The following ADAMTS9 variants were observed in gnomAD, a reference collection of about 807,000 sequenced individuals.
ADAMTS9 encodes ADAM metallopeptidase with thrombospondin type 1 motif 9.
In ADAMTS9, 107 loss-of-function variants were observed where a neutral mutation model predicts 257.1. The observed-to-expected ratio is 0.42, with a 90% CI of 0.36 to 0.49. ADAMTS9 has a LOEUF of 0.49. Ranked by LOEUF, ADAMTS9 falls within the 20% of genes least tolerant of loss-of-function variation. ADAMTS9 has a pLI of 0.03. For missense variants in ADAMTS9, 2,353 were observed against 2,469.1 expected (o/e 0.95, Z 1.00); for synonymous variants, 982 against 880.9 (o/e 1.11, Z -2.03).
At chr3:64,521,170 C>T (rs559486950) in intron 39 of ADAMTS9, among the ~76,000 whole-genome samples, 4 of 152,078 alleles carry the variant, frequency 2.6e-5, no homozygotes, top group Non-Finnish European at 4.4e-5. Flanking sequence ...AGAAGACACA[C>T]AAGCAGCCAA....
chr3:64,648,201 A>T (rs748809391), intron 10 of ADAMTS9, among the ~76,000 whole-genome samples, 157 bp from the exon 11 acceptor site: 16 of 152,348 alleles, frequency 1.1e-4, no homozygotes, highest in South Asian at 4.1e-4. Flanking sequence ...AAATATAGAC[A>T]GCAGCCCATA....
At chr3:64,552,323 C>G (rs1390226173) in intron 30 of ADAMTS9, among the ~76,000 whole-genome samples, 2 of 152,110 alleles carry the variant, frequency 1.3e-5, no homozygotes, top group African/African-American at 4.8e-5. Flanking sequence ...AACACCAAAC[C>G]CCACCCCTGA....
intron 14 of ADAMTS9, 75 bp from the exon 15 acceptor site, chr3:64,632,000 T>A: frequency 1.7e-6 from 2 of 1,150,182 alleles, no homozygotes; most frequent in Non-Finnish European, 2.5e-6. Context: ...GTGTTTCTTT[T>A]AATCGTGTGC....
chr3:64,532,154 C>T (rs1162762484), intron 38 of ADAMTS9, among the ~76,000 whole-genome samples: 2 of 152,284 alleles, frequency 1.3e-5, no homozygotes, highest in East Asian at 3.9e-4. Flanking sequence ...TCGACACGCT[C>T]CTCAGTTTAC....
chr3:64,600,151 C>T (rs1257183741), intron 26 of ADAMTS9, among the ~76,000 whole-genome samples: 1 of 142,954 alleles, frequency 7.0e-6, no homozygotes, highest in African/African-American at 2.6e-5. Flanking sequence ...ACTCCAGAAA[C>T]CACTGAAAAA....
chr3:64,631,332 T>C (rs1395827612), intron 16 of ADAMTS9, 123 bp downstream of exon 16: 7 of 765,560 alleles, frequency 9.1e-6, no homozygotes, highest in Non-Finnish European at 1.3e-5. Flanking sequence ...GAGAGCCACT[T>C]ATTTTATGAA....
chr3:64,608,454 A>G (rs977853423), intron 22 of ADAMTS9, among the ~76,000 whole-genome samples: 2 of 152,028 alleles, frequency 1.3e-5, no homozygotes, highest in Non-Finnish European at 2.9e-5. Context: ...ATTACTGAAT[A>G]TCAGAAATGA....
intron 10 of ADAMTS9, 83 bp from the exon 11 acceptor site, chr3:64,648,127 A>C: frequency 3.3e-6 from 4 of 1,214,620 alleles, no homozygotes; most frequent in Non-Finnish European, 4.7e-6. Flanking sequence ...CTTTCAACTA[A>C]TGTTTCACCA....
chr3:64,518,590 T>C (rs1163055477), intron 39 of ADAMTS9, among the ~76,000 whole-genome samples: 1 of 152,146 alleles, frequency 6.6e-6, no homozygotes, highest in Non-Finnish European at 1.5e-5. Context: ...TTCACAGGTA[T>C]AGGGTGAGGC....
Position 64,641,706 on chromosome 3 carries a change from C to G in ADAMTS9, c.1856+142G>C, listed in dbSNP as rs142004432. On this transcript the variant is annotated intron_variant, in intron 12 of 39. Coordinates refer to ENST00000498707, the MANE Select transcript of ADAMTS9 (RefSeq NM_182920.2). ...GTGCCTGGGAATAGACTTTGGGTAC[C>G]GTGGGTCTAAGCAGCCCTTGAAGTT... 12 of 1,005,040 alleles carry G rather than the reference C, an allele frequency of 1.2e-5. No individual in the cohort carries two copies. In the East Asian group the frequency reaches 3.0e-4, roughly 25 times the overall value. 62.3% of individuals were successfully genotyped at this position (1,005,040 alleles called of 1,614,324 possible). A position where few individuals can be genotyped will look rare whatever the true frequency, so the allele number is the denominator to read the frequency against.
intron 28 of ADAMTS9, among the ~76,000 whole-genome samples, chr3:64,574,753 C>T (rs1372590808): frequency 6.6e-6 from 1 of 152,000 alleles, no homozygotes; most frequent in Non-Finnish European, 1.5e-5. Flanking sequence ...CCCACACACA[C>T]ACCCCAACCA....
At position 64,575,961 on chromosome 3, in the gene ADAMTS9, T is replaced by C. The variant is rs145689974; in HGVS notation, c.4357-7426A>G. 2.9e-3 allele frequency among the ~76,000 whole-genome samples: 444 copies of C among 152,352 alleles called. 1 individual carries two copies. Among genetic ancestry groups the C allele is most frequent in the African/African-American group, 0.01 (422 of 41,584 alleles). ...TTTGTTAACTAATGGAGTCTAACAT[T>C]CTAACAGAGGCATTGATAGGTAAAG... On this transcript the variant is annotated intron_variant, in intron 28 of 39. Coordinates refer to ENST00000498707, the MANE Select transcript of ADAMTS9 (RefSeq NM_182920.2).
chr3:64,661,976 T>C (rs1427028467), intron 3 of ADAMTS9, among the ~76,000 whole-genome samples: 2 of 151,954 alleles, frequency 1.3e-5, no homozygotes, highest in East Asian at 3.9e-4. Flanking sequence ...AGTTTTAACT[T>C]GCTCTTTTCT....
At chr3:64,569,995 A>G (rs1316842020) in intron 28 of ADAMTS9, among the ~76,000 whole-genome samples, 2 of 152,230 alleles carry the variant, frequency 1.3e-5, no homozygotes, top group Non-Finnish European at 2.9e-5. Context: ...TGAAGTTCCT[A>G]GAAGTATCTC....
intron 38 of ADAMTS9, among the ~76,000 whole-genome samples, chr3:64,524,381 A>G (rs1027548014): frequency 3.9e-5 from 6 of 152,348 alleles, no homozygotes; most frequent in African/African-American, 1.4e-4. Context: ...CTTAATTAAC[A>G]TTATATGGTT....
chr3:64,642,417 C>G (rs1315081430), intron 11 of ADAMTS9, among the ~76,000 whole-genome samples: 1 of 149,538 alleles, frequency 6.7e-6, no homozygotes, highest in Non-Finnish European at 1.5e-5. Flanking sequence ...TGCTTTATTG[C>G]TCCCAATTTT....
At position 64,651,117 on chromosome 3, in the gene ADAMTS9, C is replaced by A. The variant is rs761663404; in HGVS notation, c.1363G>T (p.Val455Phe). The A allele has an allele frequency of 5.6e-6, 9 of 1,599,810 alleles. No homozygotes were observed. The highest frequency in any genetic ancestry group is 5.4e-5 in the African/African-American group (4 of 74,070). ...GCCATGACATGCTGGGGACTCTTAA[C>A]TCCTTCTTCTTTACATTTGTTGTTG... ...DDNNKCKEEG[V>F]KSPQHVMAPT... The change falls in exon 9 of 40, where the codon GTT becomes TTT. Residue 455 changes from valine (V) to phenylalanine (F), a missense_variant. Coordinates refer to ENST00000498707, the MANE Select transcript of ADAMTS9 (RefSeq NM_182920.2).
At chr3:64,652,042 C>A (rs1019992801) in intron 8 of ADAMTS9, among the ~76,000 whole-genome samples, 1 of 152,242 alleles carries the variant, frequency 6.6e-6, no homozygotes, top group African/African-American at 2.4e-5. Flanking sequence ...CTGTGACCCA[C>A]ATGCCATTCT....
chr3:64,627,208 T>C (rs1053982989), intron 16 of ADAMTS9, among the ~76,000 whole-genome samples: 4 of 152,206 alleles, frequency 2.6e-5, no homozygotes, highest in Non-Finnish European at 4.4e-5. Context: ...TCTTTTCCAA[T>C]GTCTCCAGGT....
Sources: allele counts gnomAD v4.1 joint callset (sites outside exome capture counted in the v4.1 genomes callset), GRCh38; gene constraint gnomAD v4.1.1; transcripts MANE v1.5; gene names NCBI Gene and HGNC (gene_info 2026-07-23, HGNC 2026-07-21).